BEND4: variants seen among roughly 807,000 people sequenced by gnomAD.
The protein encoded by BEND4 is BEN domain containing 4, also known as BEN domain-containing protein 4.
Under a neutral mutation model 54.7 loss-of-function variants are expected in BEND4, and 27 were observed. That is an observed-to-expected ratio of 0.49 (90% CI 0.36 to 0.68). The LOEUF is 0.68. BEND4 is among the 30% of genes least tolerant of loss of function. BEND4 has a pLI of 0.00. For missense variants in BEND4, 702 were observed against 697.2 expected, an observed-to-expected ratio of 1.01 and a Z score of -0.08; for synonymous variants, 327 against 299.5, an observed-to-expected ratio of 1.09 and a Z score of -0.95.
Position 42,151,869 on chromosome 4 carries a change from C to T in BEND4, c.275G>A (p.Arg92Gln). ...CGACGACGAAGCGGCGGCGGCGGCC[C>T]GGCCGGGCCCGGGGGGGTAGGAGCT... is the stretch of plus-strand genomic sequence containing the variant. Reference protein sequence around the residue: ...AQSSYPPGPGRAAAAASSSSP... With the variant: ...AQSSYPPGPGQAAAAASSSSP... The change falls in exon 2 of 6, where the codon CGG becomes CAG. Residue 92 changes from arginine to glutamine, a missense_variant. Transcript: ENST00000502486. 7.6e-7 allele frequency: 1 copy of T among 1,313,358 alleles called. No individual in the cohort carries two copies. Among genetic ancestry groups the T allele is most frequent in the South Asian group, 2.3e-5 (1 of 42,626 alleles). 81.4% of individuals were successfully genotyped at this position (1,313,358 alleles called of 1,614,324 possible). A position where few individuals can be genotyped will look rare whatever the true frequency, so the allele number is the denominator to read the frequency against.
intron 2 of BEND4, among the ~76,000 whole-genome samples, chr4:42,144,767 T>C (rs550118197): frequency 1.5e-4 from 23 of 152,226 alleles, no homozygotes; most frequent in Non-Finnish European, 2.6e-4. Flanking sequence ...TTAGCCCATG[T>C]ACATGAATTC....
At chr4:42,121,326 A>G (rs1720051509) in intron 4 of BEND4, among the ~76,000 whole-genome samples, 1 of 152,206 alleles carries the variant, frequency 6.6e-6, no homozygotes, top group African/African-American at 2.4e-5. Flanking sequence ...TGCGGCTAGG[A>G]AACCGGCACG....
At chr4:42,121,789 C>T (rs752536812) in intron 4 of BEND4, among the ~76,000 whole-genome samples, 1 of 152,088 alleles carries the variant, frequency 6.6e-6, no homozygotes, top group African/African-American at 2.4e-5. Flanking sequence ...TGAAAGCTGT[C>T]GAACTGAGAG....
chr4:42,120,090 G>A lies in BEND4; in HGVS notation c.1351C>T (p.Arg451Cys), dbSNP rs201512414. Reference sequence around the variant, plus strand: ...GTTACTTTAACTGGATCCAGAGGGCGTCTTTCGGGACCTGTCTCTCCTGAC... The same window carrying A: ...GTTACTTTAACTGGATCCAGAGGGCATCTTTCGGGACCTGTCTCTCCTGAC... The part of the protein sequence containing the change: ...VQSGETGPER[R>C]PLDPVKVTCL... Residue 451 changes from arginine to cysteine, a missense_variant, in exon 5 of 6, where the codon CGC (arginine) becomes TGC (cysteine). Physicochemically the swap from Arg to Cys is radical, Grantham distance 180 (BLOSUM62 -3). Transcript: ENST00000502486. 3.7e-6 allele frequency: 6 copies of A among 1,613,862 alleles called. No homozygotes were observed. Among genetic ancestry groups the A allele is most frequent in the African/African-American group, 2.7e-5 (2 of 74,926 alleles).
Position 42,144,007 on chromosome 4 carries a change from A to G in BEND4, c.488-13T>C. 6.3e-7 allele frequency: 1 copy of G among 1,580,600 alleles called. No homozygotes were observed. Among genetic ancestry groups the G allele is most frequent in the African/African-American group, 1.3e-5 (1 of 74,100 alleles). On this transcript the variant is annotated splice_polypyrimidine_tract_variant and intron_variant, in intron 2 of 5. Transcript: ENST00000502486. ...ATCATTCGACTCTCTGAAACAAATG[A>G]AAGGACACATCAGTGACCAACAGCC...
At chr4:42,122,725 T>G (rs1720111724) in intron 4 of BEND4, among the ~76,000 whole-genome samples, 1 of 152,248 alleles carries the variant, frequency 6.6e-6, no homozygotes, top group Admixed American at 6.5e-5. Flanking sequence ...AGCTGCTTTT[T>G]AAGCTGTTTA....
intron 3 of BEND4, among the ~76,000 whole-genome samples, chr4:42,139,850 T>C (rs1001201262): frequency 6.6e-5 from 10 of 152,352 alleles, no homozygotes; most frequent in African/African-American, 1.4e-4. Context: ...TCTAGAACGA[T>C]GGGGTCCTGT....
Position 42,128,915 on chromosome 4 carries a change from G to A in BEND4, c.1055-3241C>T, listed in dbSNP as rs181032030. ...TGTGCCACCGCACTCCAGCTTGGGC[G>A]ACTGAATGAGACTCCATCTCCCAAA... On this transcript the variant is annotated intron_variant, in intron 3 of 5. Coordinates refer to ENST00000502486, the MANE Select transcript of BEND4 (RefSeq NM_207406.4). Among the ~76,000 whole-genome samples the A allele has an allele frequency of 2.1e-4, 32 of 152,166 alleles. No homozygotes were observed. In the East Asian group the frequency reaches 2.5e-3, roughly 12 times the overall value.
In BEND4 at chr4:42,116,715, G is replaced by A. The variant is rs772252981; in HGVS notation, c.*803C>T. 1 of 152,148 alleles carries A rather than the reference G, an allele frequency of 6.6e-6. No individual in the cohort carries two copies. Among genetic ancestry groups the A allele is most frequent in the African/African-American group, 2.4e-5 (1 of 41,432 alleles). The allele number at this position is 152,148 out of a possible 1,614,324, so 9.4% of individuals were successfully genotyped here. A position where few individuals can be genotyped will look rare whatever the true frequency, so the allele number is the denominator to read the frequency against. On this transcript the variant is annotated 3_prime_UTR_variant, in exon 6 of 6. Coordinates refer to ENST00000502486, the MANE Select transcript of BEND4 (RefSeq NM_207406.4). ...CAACTAATTGCTTTAAATTTTCATT[G>A]TTCTACCCATCACTTTGGCATTGTG... is the stretch of plus-strand genomic sequence containing the variant.
intron 4 of BEND4, among the ~76,000 whole-genome samples, chr4:42,123,751 A>T (rs1207956651): frequency 6.6e-6 from 1 of 151,542 alleles, no homozygotes; most frequent in Admixed American, 6.6e-5. Context: ...AGAAGAAAGA[A>T]GCTGCTGCAA....
Position 42,117,460 on chromosome 4 carries a change from A to G in BEND4, c.*58T>C. 3 of 1,222,374 alleles carry G rather than the reference A, an allele frequency of 2.5e-6. No homozygotes were observed. Among genetic ancestry groups the G allele is most frequent in the Non-Finnish European group, 3.5e-6 (3 of 852,142 alleles). 75.7% of individuals were successfully genotyped at this position (1,222,374 alleles called of 1,614,324 possible). A position where few individuals can be genotyped will look rare whatever the true frequency, so the allele number is the denominator to read the frequency against. Reference sequence around the variant, plus strand: ...TGGACTCTCAGGTGACAGGAACAGGACATTCACAATTGGAACTCTTGAGAG... The same window carrying G: ...TGGACTCTCAGGTGACAGGAACAGGGCATTCACAATTGGAACTCTTGAGAG... On this transcript the variant is annotated 3_prime_UTR_variant, in exon 6 of 6. Transcript: ENST00000502486.
chr4:42,118,186 AAC>A (rs1304806077), intron 5 of BEND4, among the ~76,000 whole-genome samples: 1 of 152,178 alleles, frequency 6.6e-6, no homozygotes, highest in Non-Finnish European at 1.5e-5. Context: ...ACAATAAAAT[AAC>A]AGTCTTAATG....
Position 42,125,616 on chromosome 4 carries a change from G to C in BEND4, c.1113C>G (p.Leu371=). The stretch of plus-strand genomic sequence containing the variant: ...GCTGGTCAGCTGGCTGTGGTATCAG[G>C]AGTTGGTTGTGGTGCTGCAGAACCA... ...LKMVLQHHNQ[L]LIPQPADQPT... The change falls in exon 4 of 6, where the codon CTC becomes CTG. Residue 371 remains leucine (L), a synonymous_variant. Coordinates refer to ENST00000502486, the MANE Select transcript of BEND4 (RefSeq NM_207406.4). 1 of 1,613,916 alleles carries C rather than the reference G, an allele frequency of 6.2e-7. No homozygotes were observed. The highest frequency in any genetic ancestry group is 8.5e-7 in the Non-Finnish European group (1 of 1,179,830).
At chr4:42,142,636 CAAA>C (rs56802075) in intron 3 of BEND4, among the ~76,000 whole-genome samples, 5 of 54,248 alleles carry the variant, frequency 9.2e-5, no homozygotes, top group African/African-American at 5.3e-5. Flanking sequence ...GACTCCGTCT[CAAA>C]AAAAAAAAAA....
intron 2 of BEND4, among the ~76,000 whole-genome samples, chr4:42,148,122 G>T (rs901745472): frequency 1.3e-5 from 2 of 150,732 alleles, no homozygotes; most frequent in South Asian, 4.1e-4. Flanking sequence ...CAAAATAGAT[G>T]ATTTCCTTAA....
intron 3 of BEND4, among the ~76,000 whole-genome samples, chr4:42,126,294 A>C (rs1720279880): frequency 6.6e-6 from 1 of 152,250 alleles, no homozygotes; most frequent in Non-Finnish European, 1.5e-5. Flanking sequence ...TATTTGACTC[A>C]GGTTGCAGCA....
rs1719583513 is a variant in BEND4 at position 42,111,856 on chromosome 4, G to A, written c.*5662C>T. 6.6e-6 allele frequency: 1 copy of A among 152,000 alleles called. No homozygotes were observed. The highest frequency in any genetic ancestry group is 2.1e-4 in the South Asian group (1 of 4,822). 9.4% of individuals were successfully genotyped at this position (152,000 alleles called of 1,614,324 possible). On this transcript the variant is annotated 3_prime_UTR_variant, in exon 6 of 6. Coordinates refer to ENST00000502486, the MANE Select transcript of BEND4 (RefSeq NM_207406.4). ...TTTGCTTTTATCTCCCTGCATTTTTGCACTAGGAACCTATGGGACAAATGT... is the reference window on the plus strand; with the variant it reads ...TTTGCTTTTATCTCCCTGCATTTTTACACTAGGAACCTATGGGACAAATGT...
rs1182151366 is a variant in BEND4 at position 42,113,522 on chromosome 4, G to A, written c.*3996C>T. 6.6e-6 allele frequency: 1 copy of A among 152,164 alleles called. No homozygotes were observed. The highest frequency in any genetic ancestry group is 1.5e-5 in the Non-Finnish European group (1 of 68,030). 9.4% of individuals were successfully genotyped at this position (152,164 alleles called of 1,614,324 possible). A position where few individuals can be genotyped will look rare whatever the true frequency, so the allele number is the denominator to read the frequency against. On this transcript the variant is annotated 3_prime_UTR_variant, in exon 6 of 6. Coordinates refer to ENST00000502486, the MANE Select transcript of BEND4 (RefSeq NM_207406.4). The stretch of plus-strand genomic sequence containing the variant: ...AGGCAACAAGCCATTGAGAGCGGCA[G>A]GGGAATGTAGGAATCATAAACCTAC...
At chr4:42,136,609 G>C (rs769235606) in intron 3 of BEND4, among the ~76,000 whole-genome samples, 2 of 152,206 alleles carry the variant, frequency 1.3e-5, no homozygotes, top group Non-Finnish European at 2.9e-5. Flanking sequence ...TTGCATTCTT[G>C]TTTCAGCTCT....
Sources: gnomAD v4.1 joint callset for allele counts (sites outside exome capture counted in the v4.1 genomes callset) on GRCh38, gnomAD v4.1.1 for gene constraint, MANE v1.5 for transcripts, NCBI Gene and HGNC (gene_info 2026-07-23, HGNC 2026-07-21) for gene names.